Variants in MED13L observed in about 807,000 individuals in gnomAD.
MED13L encodes the protein mediator of RNA polymerase II transcription subunit 13-like.
In MED13L, 7 loss-of-function variants were observed where a neutral mutation model predicts 220.9. The ratio of observed to expected loss-of-function variants is 0.03; its 90% CI spans 0.02 to 0.06. MED13L has a LOEUF of 0.06. Among genes scored for constraint, MED13L ranks in the 10% least tolerant of loss-of-function variants. The pLI, the probability that MED13L is intolerant of heterozygous loss-of-function variation, is 1.00. For synonymous variants in MED13L, 1,011 were observed against 1,015.2 expected (o/e 1.00, Z 0.08); for missense variants, 1,965 against 2,760.5 (o/e 0.71, Z 6.46).
chr12:116,182,227 C>T (rs1295122194), intron 2 of MED13L, among the ~76,000 whole-genome samples: 1 of 152,164 alleles, frequency 6.6e-6, no homozygotes, highest in Non-Finnish European at 1.5e-5. Context: ...AAAACCCAAA[C>T]CCATTCAAAC....
At chr12:116,060,110 C>T (rs149748135) in intron 4 of MED13L, among the ~76,000 whole-genome samples, 165 of 152,190 alleles carry the variant, frequency 1.1e-3, no homozygotes, top group African/African-American at 2.1e-3. Flanking sequence ...GCAAACTAAG[C>T]GCAAGATTGC....
At chr12:116,125,132 T>G (rs1875466656) in intron 2 of MED13L, among the ~76,000 whole-genome samples, 1 of 152,150 alleles carries the variant, frequency 6.6e-6, no homozygotes, top group Non-Finnish European at 1.5e-5. Flanking sequence ...AAAAAAAAGT[T>G]AAGTCTGGTT....
intron 28 of MED13L, among the ~76,000 whole-genome samples, chr12:115,967,704 A>G (rs1253083309): frequency 6.6e-6 from 1 of 152,216 alleles, no homozygotes; most frequent in Non-Finnish European, 1.5e-5. Flanking sequence ...CAGAGCTGCA[A>G]TTCAAAGTTG....
chr12:116,003,147 G>A (rs770064802), intron 13 of MED13L, 45 bp from the exon 14 acceptor site: 1 of 1,527,872 alleles, frequency 6.5e-7, no homozygotes, highest in Non-Finnish European at 9.1e-7. Context: ...GTGTATATAA[G>A]TAGGGCAGCA....
At chr12:116,038,769 A>C (rs1174680319) in intron 4 of MED13L, among the ~76,000 whole-genome samples, 1 of 147,120 alleles carries the variant, frequency 6.8e-6, no homozygotes, top group Non-Finnish European at 1.5e-5. Context: ...AAAAAAAAAA[A>C]AAGGAGAACC....
intron 3 of MED13L, among the ~76,000 whole-genome samples, chr12:116,110,954 G>C (rs1158656224): frequency 6.6e-6 from 1 of 152,192 alleles, no homozygotes; most frequent in Non-Finnish European, 1.5e-5. Context: ...TACAATGTAT[G>C]ATCATGGATT....
At chr12:116,105,860 T>C (rs1274438624) in intron 3 of MED13L, among the ~76,000 whole-genome samples, 1 of 152,242 alleles carries the variant, frequency 6.6e-6, no homozygotes, top group Non-Finnish European at 1.5e-5. Context: ...TGAAAGATGA[T>C]ACCTTGTTAT....
intron 2 of MED13L, among the ~76,000 whole-genome samples, chr12:116,208,083 T>C (rs148764585): frequency 4.0e-4 from 61 of 152,222 alleles, no homozygotes; most frequent in Non-Finnish European, 5.7e-4. Flanking sequence ...TGGACAAAGA[T>C]AGAAAATTTA....
At chr12:116,040,079 G>A (rs1187998098) in intron 4 of MED13L, among the ~76,000 whole-genome samples, 5 of 152,174 alleles carry the variant, frequency 3.3e-5, no homozygotes, top group Admixed American at 2.6e-4. Flanking sequence ...GCTAGTACAC[G>A]ATGCATAGCT....
intron 27 of MED13L, among the ~76,000 whole-genome samples, chr12:115,970,264 T>G (rs528772808): frequency 6.6e-6 from 1 of 152,346 alleles, no homozygotes; most frequent in African/African-American, 2.4e-5. Flanking sequence ...TGCTTAGTAC[T>G]TCACACATTT....
chr12:116,146,566 G>T (rs761503156), intron 2 of MED13L, among the ~76,000 whole-genome samples: 2 of 151,462 alleles, frequency 1.3e-5, no homozygotes, highest in Non-Finnish European at 2.9e-5. Flanking sequence ...TTTAAATCTT[G>T]ATTAAATTCC....
intron 4 of MED13L, among the ~76,000 whole-genome samples, chr12:116,024,263 C>T (rs1241266904): frequency 6.6e-6 from 1 of 152,004 alleles, no homozygotes; most frequent in Non-Finnish European, 1.5e-5. Context: ...AGTCCTTGCC[C>T]TCAAGGAGCA....
rs767214989 is a variant in MED13L at position 116,242,048 on chromosome 12, C to CTTTT, written c.73-4347_73-4344dup. Among the ~76,000 whole-genome samples the CTTTT allele has an allele frequency of 2.5e-4, 27 of 106,618 alleles. 1 individual carries two copies. The highest frequency in any genetic ancestry group is 4.0e-4 in the Non-Finnish European group (21 of 52,964). The allele number at this position is 106,618 out of a possible 152,430, so 69.9% of individuals were successfully genotyped here. ...TTAAGTGCACTCCAAGTTCTTTTGT[C>CTTTT]TTTTTTTTTTTTTTTTTTTTTGAGA... On this transcript the variant is annotated intron_variant, in intron 1 of 30. Coordinates refer to ENST00000281928, the MANE Select transcript of MED13L (RefSeq NM_015335.5).
chr12:116,074,286 T>C (rs1870611707), intron 4 of MED13L, among the ~76,000 whole-genome samples: 1 of 152,108 alleles, frequency 6.6e-6, no homozygotes, highest in African/African-American at 2.4e-5. Flanking sequence ...TCCCAGCTAC[T>C]TGGGAGGCTG....
At chr12:116,145,350 A>G (rs1468379304) in intron 2 of MED13L, among the ~76,000 whole-genome samples, 1 of 152,238 alleles carries the variant, frequency 6.6e-6, no homozygotes, top group Non-Finnish European at 1.5e-5. Flanking sequence ...TAGAACAGGT[A>G]TTCTGGAACC....
At chr12:115,962,953 G>A (rs12316666) in intron 30 of MED13L, among the ~76,000 whole-genome samples, 9,757 of 152,194 alleles carry the variant, frequency 0.064, 440 homozygotes, top group African/African-American at 0.12. Flanking sequence ...CCCAGGAGGC[G>A]GAGTTTGCAG....
intron 12 of MED13L, 138 bp from the exon 13 acceptor site, chr12:116,006,131 ATTTCCAAATATG>A: frequency 7.3e-7 from 1 of 1,363,194 alleles, no homozygotes; most frequent in Non-Finnish European, 1.0e-6. Context: ...AGAGACAATT[ATTTCCAAATATG>A]TTTATCAGTT....
chr12:116,004,905 C>G (rs1168762248), intron 13 of MED13L, among the ~76,000 whole-genome samples: 1 of 152,160 alleles, frequency 6.6e-6, no homozygotes, highest in East Asian at 1.9e-4. Flanking sequence ...ATCACTTGGT[C>G]ACGTCGTATC....
At chr12:116,013,524 T>A (rs1879544651) in intron 8 of MED13L, among the ~76,000 whole-genome samples, 1 of 152,310 alleles carries the variant, frequency 6.6e-6, no homozygotes, top group African/African-American at 2.4e-5. Context: ...TCTCATTATG[T>A]ATATGCAAAT....
Sources: gnomAD v4.1 joint callset for allele counts (sites outside exome capture counted in the v4.1 genomes callset) on GRCh38, gnomAD v4.1.1 for gene constraint, MANE v1.5 for transcripts, NCBI Gene and HGNC (gene_info 2026-07-23, HGNC 2026-07-21) for gene names.